Variants in FLT1 observed in about 807,000 individuals in gnomAD.
FLT1 encodes fms related receptor tyrosine kinase 1, also known as vascular endothelial growth factor receptor 1.
Under a neutral mutation model 156.3 loss-of-function variants are expected in FLT1, and 49 were observed. The observed-to-expected ratio is 0.31, with a 90% CI of 0.25 to 0.40. The LOEUF (loss-of-function observed/expected upper bound fraction) is 0.40, where lower values mean the gene tolerates loss of function less well. Ranked by LOEUF, FLT1 falls within the 10% of genes least tolerant of loss-of-function variation. The pLI, the probability that FLT1 is intolerant of heterozygous loss-of-function variation, is 1.00. For missense variants in FLT1, 1,322 were observed against 1,637.2 expected, an observed-to-expected ratio of 0.81 and a Z score of 3.32; for synonymous variants, 594 against 583.8, an observed-to-expected ratio of 1.02 and a Z score of -0.25.
intron 3 of FLT1, among the ~76,000 whole-genome samples, chr13:28,444,739 T>A (rs368762250): frequency 6.6e-6 from 1 of 152,134 alleles, no homozygotes; most frequent in African/African-American, 2.4e-5. Flanking sequence ...TTCACAAATA[T>A]GTGGAAATTG....
chr13:28,448,935 C>T (rs1878767147), intron 3 of FLT1, among the ~76,000 whole-genome samples: 1 of 152,040 alleles, frequency 6.6e-6, no homozygotes, highest in Non-Finnish European at 1.5e-5. Flanking sequence ...CCAGTTTAGG[C>T]CACTCACAAA....
chr13:28,401,132 AG>A (rs1222349699), intron 11 of FLT1, among the ~76,000 whole-genome samples: 1 of 152,202 alleles, frequency 6.6e-6, no homozygotes, highest in Non-Finnish European at 1.5e-5. Context: ...AGGTTGAGGC[AG>A]GAGAATCGCT....
At chr13:28,323,004 A>T in intron 20 of FLT1, 58 bp from the exon 21 acceptor site, 1 of 1,578,134 alleles carries the variant, frequency 6.3e-7, no homozygotes, top group Non-Finnish European at 8.7e-7. Context: ...GCAGTGGGAA[A>T]CCAGTCCCTC....
At position 28,301,517 on chromosome 13, in the gene FLT1, C is replaced by G. The variant is rs1361735547; in HGVS notation, c.*1650G>C. ...TGTGGCACATAAGAACAGAGGCATA[C>G]ATTCTTCGGTTACTTAGAGCTCAGG... On this transcript the variant is annotated 3_prime_UTR_variant, in exon 30 of 30. Coordinates refer to ENST00000282397, the MANE Select transcript of FLT1 (RefSeq NM_002019.4). The G allele has an allele frequency of 8.6e-6, 2 of 233,038 alleles. No homozygotes were observed. Among genetic ancestry groups the G allele is most frequent in the African/African-American group, 4.4e-5 (2 of 45,352 alleles). The allele number at this position is 233,038 out of a possible 1,614,324, so 14.4% of individuals were successfully genotyped here.
intron 3 of FLT1, among the ~76,000 whole-genome samples, chr13:28,462,730 C>T (rs1016173556): frequency 6.6e-6 from 1 of 152,010 alleles, no homozygotes; most frequent in Non-Finnish European, 1.5e-5. Flanking sequence ...CACATTGATT[C>T]CCCTCTTTCC....
intron 16 of FLT1, among the ~76,000 whole-genome samples, chr13:28,341,118 C>T (rs903515758): frequency 6.6e-6 from 1 of 152,126 alleles, no homozygotes. Context: ...TGTGGGGAGG[C>T]TGGCAGTAGT....
At chr13:28,463,750 A>T (rs1301370523) in intron 3 of FLT1, among the ~76,000 whole-genome samples, 1 of 152,230 alleles carries the variant, frequency 6.6e-6, no homozygotes, top group African/African-American at 2.4e-5. Context: ...CCTGTCATGG[A>T]AGTGTTCGGT....
intron 18 of FLT1, among the ~76,000 whole-genome samples, chr13:28,331,431 A>G (rs1218374134): frequency 2.6e-5 from 4 of 152,102 alleles, no homozygotes; most frequent in Non-Finnish European, 5.9e-5. Flanking sequence ...CCTTTGTTTC[A>G]CTTTATGCTT....
At chr13:28,483,066 T>A (rs1880951088) in intron 1 of FLT1, among the ~76,000 whole-genome samples, 1 of 152,188 alleles carries the variant, frequency 6.6e-6, no homozygotes, top group Non-Finnish European at 1.5e-5. Flanking sequence ...TTTCTCTAGT[T>A]CTACCAGAAG....
intron 11 of FLT1, 59 bp from the exon 12 acceptor site, chr13:28,397,127 A>C: frequency 1.1e-6 from 1 of 948,646 alleles, no homozygotes; most frequent in Non-Finnish European, 1.7e-6. Flanking sequence ...TGAACACCCC[A>C]AGCTACTTCT....
At chr13:28,336,604 G>A (rs963622945) in intron 17 of FLT1, among the ~76,000 whole-genome samples, 2 of 152,140 alleles carry the variant, frequency 1.3e-5, no homozygotes, top group Non-Finnish European at 2.9e-5. Flanking sequence ...ATTCAGGGCT[G>A]GTCTTACAAG....
intron 17 of FLT1, among the ~76,000 whole-genome samples, chr13:28,334,995 T>C (rs1353734607): frequency 6.6e-6 from 1 of 152,242 alleles, no homozygotes; most frequent in South Asian, 2.1e-4. Flanking sequence ...TTCAGGAATG[T>C]GTGGGTTGCC....
chr13:28,445,158 G>T (rs1040318844), intron 3 of FLT1, among the ~76,000 whole-genome samples: 3 of 152,100 alleles, frequency 2.0e-5, no homozygotes, highest in African/African-American at 7.2e-5. Flanking sequence ...GAAAAAAAGA[G>T]ACAAGACTCA....
In FLT1 at chr13:28,449,806, T is replaced by TTTTTGTTTTG. The variant is rs1054209176; in HGVS notation, c.389-11471_389-11462dup. Among the ~76,000 whole-genome samples, 4 of 152,214 alleles carry TTTTTGTTTTG rather than the reference T, an allele frequency of 2.6e-5. No individual in the cohort carries two copies. The South Asian group carries it at 6.2e-4, about 24-fold the overall frequency. On this transcript the variant is annotated intron_variant, in intron 3 of 29. Coordinates refer to ENST00000282397, the MANE Select transcript of FLT1 (RefSeq NM_002019.4). Reference sequence around the variant, plus strand: ...CCTTTCCTCAGAAGAAAGACATTGCTTTTTGTTTTGTTTTGTTTTGTTTGT... The same window carrying TTTTTGTTTTG: ...CCTTTCCTCAGAAGAAAGACATTGCTTTTTGTTTTGTTTTGTTTTGTTTTGTTTTGTTTGT...
chr13:28,419,948 A>T (rs1304507582), intron 10 of FLT1, among the ~76,000 whole-genome samples: 1 of 152,254 alleles, frequency 6.6e-6, no homozygotes, highest in Admixed American at 6.5e-5. Flanking sequence ...TTTAAAACAC[A>T]TAATGAAATG....
intron 13 of FLT1, chr13:28,387,998 T>C: frequency 9.4e-7 from 1 of 1,060,278 alleles, no homozygotes; most frequent in Non-Finnish European, 1.1e-6. Flanking sequence ...ATTCACCATT[T>C]TGTTTTCATA....
At chr13:28,466,347 T>C (rs1015181920) in intron 3 of FLT1, among the ~76,000 whole-genome samples, 1 of 152,200 alleles carries the variant, frequency 6.6e-6, no homozygotes, top group African/African-American at 2.4e-5. Flanking sequence ...TTTTTGCCCT[T>C]TGCCCTTTGC....
chr13:28,494,062 A>G (rs1235603723), intron 1 of FLT1, among the ~76,000 whole-genome samples: 3 of 152,086 alleles, frequency 2.0e-5, no homozygotes, highest in African/African-American at 7.2e-5. Flanking sequence ...CAGAGGCCCC[A>G]CCCGGGTGGC....
intron 14 of FLT1, among the ~76,000 whole-genome samples, chr13:28,367,763 C>T (rs1374282430): frequency 6.6e-6 from 1 of 152,228 alleles, no homozygotes; most frequent in African/African-American, 2.4e-5. Context: ...GTCTGACCAG[C>T]AACTTCTGTT....
Sources: allele counts gnomAD v4.1 joint callset (sites outside exome capture counted in the v4.1 genomes callset), GRCh38; gene constraint gnomAD v4.1.1; transcripts MANE v1.5; gene names NCBI Gene and HGNC (gene_info 2026-07-23, HGNC 2026-07-21).